Variants in ADARB2 observed in about 807,000 individuals in gnomAD.
The protein encoded by ADARB2 is adenosine deaminase RNA specific B2 (inactive), also known as inactive double-stranded RNA-specific editase B2.
ADARB2 carries 25 observed loss-of-function variants against 62.2 expected under a neutral mutation model. The observed-to-expected ratio is 0.40, with a 90% confidence interval of 0.29 to 0.56. The LOEUF is 0.56. Ranked by LOEUF, ADARB2 falls within the 20% of genes least tolerant of loss-of-function variation. The pLI, the probability that ADARB2 is intolerant of heterozygous loss-of-function variation, is 0.43. For missense variants in ADARB2, 1,071 were observed against 1,077.4 expected (o/e 0.99, Z 0.08); for synonymous variants, 572 against 500.8 (o/e 1.14, Z -1.90).
chr10:1,375,589 G>C (rs564050445), intron 2 of ADARB2, among the ~76,000 whole-genome samples: 1 of 152,236 alleles, frequency 6.6e-6, no homozygotes, highest in Non-Finnish European at 1.5e-5. Context: ...TACACGCCAG[G>C]TGGGATGAGA....
intron 4 of ADARB2, 96 bp from the exon 5 acceptor site, chr10:1,242,395 G>T (rs951800696): frequency 3.6e-6 from 5 of 1,400,264 alleles, no homozygotes; most frequent in Admixed American, 5.0e-5. Context: ...GTTTCCCTGG[G>T]TTAGGAAACC....
At chr10:1,405,364 G>A (rs1385666611) in intron 1 of ADARB2, among the ~76,000 whole-genome samples, 1 of 152,140 alleles carries the variant, frequency 6.6e-6, no homozygotes, top group Non-Finnish European at 1.5e-5. Context: ...GCTGGCTCTA[G>A]CGCCTCCACA....
Position 1,460,965 on chromosome 10 carries a change from T to TA in ADARB2, c.101-81806dup, listed in dbSNP as rs1035709959. 1.1e-4 allele frequency among the ~76,000 whole-genome samples: 17 copies of TA among 152,114 alleles called. No individual in the cohort carries two copies. The East Asian group carries it at 1.4e-3, about 12-fold the overall frequency. On this transcript the variant is annotated intron_variant, in intron 1 of 9. Coordinates refer to ENST00000381312, the MANE Select transcript of ADARB2 (RefSeq NM_018702.4). ...CACATGGACCCCTGAACTTAAAAGT[T>TA]AAAAAAAACAATTTTATGTGCAATA...
In ADARB2 at chr10:1,478,761, T is replaced by TCGGAC. The variant is rs1564302324; in HGVS notation, c.101-99602_101-99601insGTCCG. On this transcript the variant is annotated intron_variant, in intron 1 of 9. Transcript: ENST00000381312. Reference sequence around the variant, plus strand: ...GAGCGCCAAAACAAGGACCCTCGGATGGGAGAGCGCCAAAATAAGGACCCT... The same window carrying TCGGAC: ...GAGCGCCAAAACAAGGACCCTCGGATCGGACGGGAGAGCGCCAAAATAAGGACCCT... Among the ~76,000 whole-genome samples, 25 of 142,376 alleles carry TCGGAC rather than the reference T, an allele frequency of 1.8e-4. 7 individuals are homozygous for TCGGAC. Among genetic ancestry groups the TCGGAC allele is most frequent in the Admixed American group, 5.5e-4 (8 of 14,476 alleles). The allele number at this position is 142,376 out of a possible 152,430, so 93.4% of individuals were successfully genotyped here. A position where few individuals can be genotyped will look rare whatever the true frequency, so the allele number is the denominator to read the frequency against.
intron 3 of ADARB2, among the ~76,000 whole-genome samples, chr10:1,286,873 C>T (rs906924667): frequency 6.6e-6 from 1 of 152,202 alleles, no homozygotes; most frequent in African/African-American, 2.4e-5. Flanking sequence ...CTGTTAAGCT[C>T]AGCATCCAGC....
At chr10:1,603,295 G>A (rs1254501445) in intron 1 of ADARB2, among the ~76,000 whole-genome samples, 1 of 152,208 alleles carries the variant, frequency 6.6e-6, no homozygotes, top group Non-Finnish European at 1.5e-5. Flanking sequence ...GACGGCCATG[G>A]CTATGGCTCT....
At chr10:1,318,058 C>G (rs969704041) in intron 3 of ADARB2, among the ~76,000 whole-genome samples, 2 of 152,188 alleles carry the variant, frequency 1.3e-5, no homozygotes, top group Non-Finnish European at 2.9e-5. Flanking sequence ...AAGTGTTGGC[C>G]ACTCATAAAC....
At chr10:1,191,114 G>T (rs1430188261) in intron 8 of ADARB2, among the ~76,000 whole-genome samples, 1 of 152,158 alleles carries the variant, frequency 6.6e-6, no homozygotes, top group Non-Finnish European at 1.5e-5. Flanking sequence ...CGCAGAATGG[G>T]GGTTTGCACA....
intron 1 of ADARB2, among the ~76,000 whole-genome samples, chr10:1,709,576 G>A (rs1456641349): frequency 3.9e-5 from 6 of 152,156 alleles, no homozygotes; most frequent in Non-Finnish European, 8.8e-5. Flanking sequence ...CTTTTGATCT[G>A]AAGGAAGCTG....
intron 3 of ADARB2, among the ~76,000 whole-genome samples, chr10:1,326,965 C>CT (rs1831860871): frequency 3.1e-5 from 2 of 64,082 alleles, no homozygotes; most frequent in Non-Finnish European, 7.3e-5. Flanking sequence ...CGCCTCCCCA[C>CT]GGCCCAGCGC....
intron 3 of ADARB2, among the ~76,000 whole-genome samples, chr10:1,294,674 C>G (rs997083963): frequency 5.9e-5 from 9 of 152,292 alleles, no homozygotes; most frequent in African/African-American, 1.4e-4. Flanking sequence ...TATCTTGCCC[C>G]CAACGTCAAA....
chr10:1,233,908 G>A (rs1830834803), intron 5 of ADARB2, 63 bp from the exon 6 acceptor site: 4 of 1,540,550 alleles, frequency 2.6e-6, no homozygotes, highest in South Asian at 1.2e-5. Flanking sequence ...TTCCAACCAG[G>A]TGAACGCTTG....
chr10:1,711,263 A>C (rs1431371047), intron 1 of ADARB2, among the ~76,000 whole-genome samples: 1 of 152,140 alleles, frequency 6.6e-6, no homozygotes, highest in East Asian at 1.9e-4. Context: ...AAGGTCTCCT[A>C]TCTGTGAGAA....
chr10:1,529,268 C>T (rs1315495220), intron 1 of ADARB2, among the ~76,000 whole-genome samples: 7 of 132,880 alleles, frequency 5.3e-5, no homozygotes, highest in Non-Finnish European at 1.7e-5. Context: ...CCATGCCCAA[C>T]ACCAATCCTC....
At chr10:1,200,958 C>T (rs925587601) in intron 7 of ADARB2, among the ~76,000 whole-genome samples, 5 of 152,212 alleles carry the variant, frequency 3.3e-5, no homozygotes, top group Admixed American at 6.5e-5. Flanking sequence ...CCGCATGCAG[C>T]GTCTCTTTTC....
At chr10:1,414,992 T>C (rs1384583077) in intron 1 of ADARB2, among the ~76,000 whole-genome samples, 2 of 145,436 alleles carry the variant, frequency 1.4e-5, no homozygotes, top group Non-Finnish European at 3.0e-5. Flanking sequence ...TGATAGAAGG[T>C]GGATGGATGG....
chr10:1,300,541 C>T (rs1564250983), intron 3 of ADARB2, among the ~76,000 whole-genome samples: 2 of 152,230 alleles, frequency 1.3e-5, no homozygotes, highest in South Asian at 4.1e-4. Flanking sequence ...TCCTATGTTA[C>T]TCATGACACG....
Position 1,615,430 on chromosome 10 carries a change from C to T in ADARB2, c.100+121621G>A, listed in dbSNP as rs1409593014. The stretch of plus-strand genomic sequence containing the variant: ...GGACTCACTGCCATCGCCAGTTACC[C>T]ACCACCCAGAGGCCCAGGATGCGCG... On this transcript the variant is annotated intron_variant, in intron 1 of 9. Coordinates refer to ENST00000381312, the MANE Select transcript of ADARB2 (RefSeq NM_018702.4). 2.0e-5 allele frequency among the ~76,000 whole-genome samples: 3 copies of T among 152,238 alleles called. No individual in the cohort carries two copies. The East Asian group carries it at 5.8e-4, about 29-fold the overall frequency.
chr10:1,369,158 G>A (rs554625519), intron 2 of ADARB2, among the ~76,000 whole-genome samples: 1 of 152,024 alleles, frequency 6.6e-6, no homozygotes, highest in Non-Finnish European at 1.5e-5. Flanking sequence ...TCCCCTCCCC[G>A]ACCCAGGAAA....
Sources: gnomAD v4.1 joint callset for allele counts (sites outside exome capture counted in the v4.1 genomes callset) on GRCh38, gnomAD v4.1.1 for gene constraint, MANE v1.5 for transcripts, NCBI Gene and HGNC (gene_info 2026-07-23, HGNC 2026-07-21) for gene names.